Variants in CCNY observed in about 807,000 individuals in gnomAD.
CCNY encodes cyclin Y, also known as cyclin-Y.
A neutral mutation model predicts 42.8 loss-of-function variants in CCNY; 19 were observed. The ratio of observed to expected loss-of-function variants is 0.44; its 90% confidence interval spans 0.31 to 0.65. The LOEUF (loss-of-function observed/expected upper bound fraction) is 0.65. CCNY is among the 30% of genes least tolerant of loss of function. The probability of loss-of-function intolerance (pLI) is 0.07; values close to 1 mark genes in which losing one functional copy is unlikely to be tolerated. For synonymous variants in CCNY, 165 were observed against 162.7 expected (o/e 1.01, Z -0.11); for missense variants, 370 against 437.3 (o/e 0.85, Z 1.37).
chr10:35,492,339 C>T (rs1839916507), intron 2 of CCNY, among the ~76,000 whole-genome samples: 1 of 152,244 alleles, frequency 6.6e-6, no homozygotes, highest in African/African-American at 2.4e-5. Context: ...CCAATGGCTG[C>T]CTCATAGGTG....
At chr10:35,512,452 C>T (rs117239920) in intron 3 of CCNY, among the ~76,000 whole-genome samples, 13 of 152,214 alleles carry the variant, frequency 8.5e-5, no homozygotes, top group African/African-American at 1.7e-4. Context: ...AAAGGGACTG[C>T]GACTGAGTAG....
At chr10:35,567,676 T>TA (rs1841599962) in intron 9 of CCNY, among the ~76,000 whole-genome samples, 1 of 152,224 alleles carries the variant, frequency 6.6e-6, no homozygotes, top group Non-Finnish European at 1.5e-5. Context: ...AGAAACCTGT[T>TA]ATGGATTACA....
chr10:35,536,974 A>G (rs1280107432), intron 7 of CCNY, among the ~76,000 whole-genome samples: 3 of 152,214 alleles, frequency 2.0e-5, no homozygotes, highest in Non-Finnish European at 2.9e-5. Flanking sequence ...AGGGCATGTC[A>G]GAGGTCTTCA....
intron 1 of CCNY, among the ~76,000 whole-genome samples, chr10:35,457,849 G>A (rs923475728): frequency 1.3e-5 from 2 of 152,110 alleles, no homozygotes; most frequent in Non-Finnish European, 2.9e-5. Context: ...CAAAGTGCTG[G>A]GATTACAGGC....
chr10:35,271,368 C>G (rs781759018), intron 3 of CCNY, among the ~76,000 whole-genome samples: 5 of 152,124 alleles, frequency 3.3e-5, no homozygotes, highest in Non-Finnish European at 7.4e-5. Flanking sequence ...CAGGGGGAGC[C>G]ATTCAGAAAA....
rs559710989 is a variant in CCNY at position 35,374,250 on chromosome 10, A to G, written c.154+37043A>G. On this transcript the variant is annotated intron_variant, in intron 1 of 9. Coordinates refer to ENST00000374704, the MANE Select transcript of CCNY (RefSeq NM_145012.6). ...ATTATATAGTTTAGCCAGAGATGGA[A>G]TGATACCATGGGGTTAATTTTTTTT... Among the ~76,000 whole-genome samples the G allele has an allele frequency of 4.7e-4, 71 of 152,202 alleles. 1 individual carries two copies. The highest frequency in any genetic ancestry group is 4.5e-3 in the Admixed American group (69 of 15,280).
intron 1 of CCNY, among the ~76,000 whole-genome samples, chr10:35,453,459 T>C (rs1048683750): frequency 6.6e-6 from 1 of 152,230 alleles, no homozygotes; most frequent in Admixed American, 6.5e-5. Flanking sequence ...AACATCTTTG[T>C]GTCTAAAGCC....
Position 35,275,056 on chromosome 10 carries a change from CTTTTTTTTTTT to C in CCNY, c.-9+24445_-9+24455del, listed in dbSNP as rs34467762. Among the ~76,000 whole-genome samples, 381 of 64,950 alleles carry C rather than the reference CTTTTTTTTTTT, an allele frequency of 5.9e-3. 5 individuals carry two copies. Among genetic ancestry groups the C allele is most frequent in the African/African-American group, 0.025 (360 of 14,362 alleles). 42.6% of individuals were successfully genotyped at this position (64,950 alleles called of 152,430 possible). On this transcript the variant is annotated intron_variant, in intron 3 of 11. Coordinates refer to the CCNY transcript ENST00000374706. ...TATTGTTTTTGATTCACCGTCATTC[CTTTTTTTTTTT>C]TTTTTTTTTTTTTTGAGATGGAGTC...
chr10:35,327,182 AAC>A (rs1564369613), intron 3 of CCNY, among the ~76,000 whole-genome samples: 1 of 152,212 alleles, frequency 6.6e-6, no homozygotes, highest in African/African-American at 2.4e-5. Flanking sequence ...AAAAAGAAGG[AAC>A]AGAGGAAAAA....
chr10:35,369,591 C>T (rs1836884188), intron 1 of CCNY, among the ~76,000 whole-genome samples: 1 of 152,192 alleles, frequency 6.6e-6, no homozygotes, highest in African/African-American at 2.4e-5. Flanking sequence ...TATTGAGGCT[C>T]TTCCCTATTT....
chr10:35,388,102 C>T (rs1348195102), intron 1 of CCNY, among the ~76,000 whole-genome samples: 1 of 152,214 alleles, frequency 6.6e-6, no homozygotes, highest in Non-Finnish European at 1.5e-5. Flanking sequence ...ATATTTGACT[C>T]CTGGAGAGCA....
intron 3 of CCNY, among the ~76,000 whole-genome samples, chr10:35,323,268 C>A (rs1210585201): frequency 6.6e-6 from 1 of 152,082 alleles, no homozygotes; most frequent in African/African-American, 2.4e-5. Context: ...TAGCATACAA[C>A]CCAGTAGTCT....
intron 1 of CCNY, among the ~76,000 whole-genome samples, chr10:35,366,458 T>G (rs1307539750): frequency 1.3e-5 from 2 of 152,218 alleles, no homozygotes; most frequent in Non-Finnish European, 2.9e-5. Flanking sequence ...TTGGACTAAG[T>G]CTAATATTTG....
At chr10:35,378,374 T>C (rs953268960) in intron 1 of CCNY, among the ~76,000 whole-genome samples, 8 of 152,190 alleles carry the variant, frequency 5.3e-5, no homozygotes, top group African/African-American at 1.4e-4. Context: ...CTGTGTCTTT[T>C]TGGTTGGCTT....
chr10:35,549,103 A>T (rs866298603), intron 7 of CCNY, among the ~76,000 whole-genome samples: 1 of 51,920 alleles, frequency 1.9e-5, no homozygotes, highest in Non-Finnish European at 4.3e-5. Flanking sequence ...CACCCACCCC[A>T]CCCCCCCCCG....
At chr10:35,377,382 C>G (rs1837076830) in intron 1 of CCNY, among the ~76,000 whole-genome samples, 2 of 152,274 alleles carry the variant, frequency 1.3e-5, no homozygotes, top group South Asian at 2.1e-4. Flanking sequence ...TTTAGATACA[C>G]AAGTACTTAG....
intron 1 of CCNY, among the ~76,000 whole-genome samples, chr10:35,395,261 GAA>G (rs1410698558): frequency 6.6e-6 from 1 of 152,136 alleles, no homozygotes; most frequent in East Asian, 1.9e-4. Context: ...CATTGTTAGA[GAA>G]AAAAGCCAGA....
intron 1 of CCNY, among the ~76,000 whole-genome samples, chr10:35,341,058 TA>T (rs1342817682): frequency 1.3e-5 from 2 of 152,164 alleles, no homozygotes; most frequent in African/African-American, 4.8e-5. Flanking sequence ...TAAGATCCTT[TA>T]AAAAACTTGA....
At chr10:35,432,117 A>C (rs985673052) in intron 1 of CCNY, among the ~76,000 whole-genome samples, 1 of 152,212 alleles carries the variant, frequency 6.6e-6, no homozygotes, top group African/African-American at 2.4e-5. Context: ...TATTTTTATT[A>C]GTATAAGCTA....
Sources: gnomAD v4.1 joint callset for allele counts (sites outside exome capture counted in the v4.1 genomes callset) on GRCh38, gnomAD v4.1.1 for gene constraint, MANE v1.5 for transcripts, NCBI Gene and HGNC (gene_info 2026-07-23, HGNC 2026-07-21) for gene names.